Variants in SIM1 observed in about 807,000 individuals in gnomAD.
SIM1 encodes the protein SIM bHLH transcription factor 1.
SIM1 carries 18 observed loss-of-function variants against 78.2 expected under a neutral mutation model. The observed-to-expected ratio is 0.23, with a 90% CI of 0.16 to 0.34. SIM1 has a LOEUF of 0.34. Ranked by LOEUF, SIM1 falls within the 10% of genes least tolerant of loss-of-function variation. The pLI, the probability that SIM1 is intolerant of heterozygous loss-of-function variation, is 1.00. For synonymous variants in SIM1, 417 were observed against 385.2 expected, an observed-to-expected ratio of 1.08 and a Z score of -0.97; for missense variants, 939 against 975.1, an observed-to-expected ratio of 0.96 and a Z score of 0.49.
At chr6:100,423,034 A>G (rs1439937588) in intron 9 of SIM1, among the ~76,000 whole-genome samples, 1 of 152,216 alleles carries the variant, frequency 6.6e-6, no homozygotes, top group East Asian at 1.9e-4. Flanking sequence ...AGCAGTAAAA[A>G]TTTAGAAAGT....
intron 9 of SIM1, chr6:100,437,231 T>C (rs1057331453): frequency 6.6e-6 from 1 of 152,176 alleles, no homozygotes; most frequent in Non-Finnish European, 1.5e-5. Flanking sequence ...TCAAATACCT[T>C]GTAATGCATT....
In SIM1 at chr6:100,386,566, T is replaced by G. The variant is rs1770518727; in HGVS notation, c.*3795A>C. On this transcript the variant is annotated 3_prime_UTR_variant, in exon 12 of 12. Coordinates refer to ENST00000369208, the MANE Select transcript of SIM1 (RefSeq NM_005068.3). ...AATGGTCTTGTACTATAATTGATCC[T>G]CATCCCCCATAAGAAGGAGAAATAA... 6.6e-6 allele frequency: 1 copy of G among 152,064 alleles called. No individual in the cohort carries two copies. The allele number at this position is 152,064 out of a possible 1,614,324, so 9.4% of individuals were successfully genotyped here. A position where few individuals can be genotyped will look rare whatever the true frequency, so the allele number is the denominator to read the frequency against.
Position 100,412,607 on chromosome 6 carries a change from GAA to G in SIM1, c.1167+8181_1167+8182del, listed in dbSNP as rs1352327379. ...AGAAAGAAAGAAAGAAAGAAAGAAA[GAA>G]AGGAAAGAAAGAAGGAAAGAAAGAA... is the stretch of plus-strand genomic sequence containing the variant. On this transcript the variant is annotated intron_variant, in intron 10 of 11. Transcript: ENST00000369208. Among the ~76,000 whole-genome samples the G allele has an allele frequency of 2.8e-4, 26 of 92,934 alleles. 1 individual carries two copies. Among genetic ancestry groups the G allele is most frequent in the South Asian group, 1.5e-3 (4 of 2,710 alleles). 61.0% of individuals were successfully genotyped at this position (92,934 alleles called of 152,430 possible). A position where few individuals can be genotyped will look rare whatever the true frequency, so the allele number is the denominator to read the frequency against.
rs533349761 is a variant in SIM1 at position 100,445,151 on chromosome 6, T to A, written c.998+2117A>T. Reference sequence around the variant, plus strand: ...GTAACTTCCAGCCAGATGTGTGATATGCACATCAAACAAACTGCAACCTGT... The same window carrying A: ...GTAACTTCCAGCCAGATGTGTGATAAGCACATCAAACAAACTGCAACCTGT... On this transcript the variant is annotated intron_variant, in intron 9 of 11. Coordinates refer to ENST00000369208, the MANE Select transcript of SIM1 (RefSeq NM_005068.3). Among the ~76,000 whole-genome samples the A allele has an allele frequency of 3.9e-5, 6 of 152,320 alleles. No homozygotes were observed. The South Asian group carries it at 6.2e-4, about 16-fold the overall frequency.
chr6:100,456,312 A>G (rs241809), intron 2 of SIM1, among the ~76,000 whole-genome samples: 132,702 of 152,198 alleles, frequency 0.87, 58,259 homozygotes, highest in East Asian at 0.98. Flanking sequence ...GACGCGCTCT[A>G]GCACACCCAA....
At chr6:100,392,911 G>A (rs1055639911) in intron 11 of SIM1, among the ~76,000 whole-genome samples, 6 of 152,298 alleles carry the variant, frequency 3.9e-5, no homozygotes, top group Admixed American at 3.9e-4. Flanking sequence ...TTATCCCAAG[G>A]TGAAAATCCC....
chr6:100,417,391 A>G (rs565423565), intron 10 of SIM1, among the ~76,000 whole-genome samples: 1 of 152,336 alleles, frequency 6.6e-6, no homozygotes, highest in African/African-American at 2.4e-5. Flanking sequence ...ATAGTCTAGC[A>G]CTTTTTAATC....
chr6:100,393,742 A>T lies in SIM1; in HGVS notation c.1315T>A (p.Phe439Ile). The stretch of plus-strand genomic sequence containing the variant: ...TAGCAGAGAGAGCTGCGGTCCGAAA[A>T]CTGTCTGTAGGCGCACGATGCGTCG... Reference protein sequence around the residue: ...QHDASCAYRQFSDRSSLCYGF... With the variant: ...QHDASCAYRQISDRSSLCYGF... Residue 439 changes from phenylalanine to isoleucine, a missense_variant, in exon 11 of 12, where the codon TTT becomes ATT. Physicochemically the swap from Phe to Ile is conservative, Grantham distance 21. Around this residue, in one of 5 missense-constraint regions of SIM1, gnomAD observed 556 missense variants for 521.9 expected, o/e 1.07. Coordinates refer to ENST00000369208, the MANE Select transcript of SIM1 (RefSeq NM_005068.3). The T allele has an allele frequency of 1.2e-6, 2 of 1,614,146 alleles. No individual in the cohort carries two copies. The highest frequency in any genetic ancestry group is 3.3e-5 in the Admixed American group (2 of 60,018).
At chr6:100,399,379 C>A (rs1019158940) in intron 10 of SIM1, among the ~76,000 whole-genome samples, 3 of 151,996 alleles carry the variant, frequency 2.0e-5, no homozygotes, top group Admixed American at 6.5e-5. Context: ...CTACAACATT[C>A]TTGTAATGAC....
intron 8 of SIM1, among the ~76,000 whole-genome samples, 193 bp from the exon 9 acceptor site, chr6:100,447,608 T>G (rs1772390311): frequency 6.6e-6 from 1 of 152,184 alleles, no homozygotes; most frequent in Admixed American, 6.5e-5. Flanking sequence ...AGCCCTCCGG[T>G]CACCCTTCTA....
chr6:100,426,223 C>T (rs540071331), intron 9 of SIM1, among the ~76,000 whole-genome samples: 1 of 152,316 alleles, frequency 6.6e-6, no homozygotes, highest in African/African-American at 2.4e-5. Context: ...CTAGGAATTG[C>T]AGCTTGTCAA....
intron 10 of SIM1, chr6:100,396,095 G>C: frequency 3.0e-6 from 3 of 984,624 alleles, no homozygotes; most frequent in South Asian, 4.7e-5. Context: ...TCTTCTTCCA[G>C]TGAACCCAGA....
chr6:100,445,535 T>C (rs1388488423), intron 9 of SIM1, among the ~76,000 whole-genome samples: 2 of 152,178 alleles, frequency 1.3e-5, no homozygotes, highest in African/African-American at 2.4e-5. Context: ...AATGACAGAA[T>C]CAACAGAAGA....
chr6:100,448,586 G>C lies in SIM1; in HGVS notation c.636C>G (p.Ala212=). 1 of 1,614,078 alleles carries C rather than the reference G, an allele frequency of 6.2e-7. No homozygotes were observed. The highest frequency in any genetic ancestry group is 1.1e-5 in the South Asian group (1 of 91,082). ...DGCYQNVGLV[A]VGHSLPPSAV... is the part of the protein sequence containing the mutation. ...CGCTGGGAGGCAGCGAGTGGCCCAC[G>C]GCCACCAGGCCCACGTTTTGGTAGC... Residue 212 remains alanine (A), a synonymous_variant, in exon 7 of 12, where the codon GCC becomes GCG. Coordinates refer to ENST00000369208, the MANE Select transcript of SIM1 (RefSeq NM_005068.3).
At chr6:100,412,742 A>AGAAG (rs1491347352) in intron 10 of SIM1, among the ~76,000 whole-genome samples, 110 of 141,726 alleles carry the variant, frequency 7.8e-4, no homozygotes, top group African/African-American at 2.7e-3. Flanking sequence ...AAAGAAAGAA[A>AGAAG]GAAAGAAAGA....
At chr6:100,438,091 A>G (rs1506091) in intron 9 of SIM1, among the ~76,000 whole-genome samples, 23,731 of 152,194 alleles carry the variant, frequency 0.16, 2,327 homozygotes, top group Middle Eastern at 0.25. Flanking sequence ...AGCAAATGCA[A>G]CAAAAATGAA....
chr6:100,446,039 G>GAA (rs1411140971), intron 9 of SIM1, among the ~76,000 whole-genome samples: 3 of 148,550 alleles, frequency 2.0e-5, no homozygotes, highest in Non-Finnish European at 4.4e-5. Flanking sequence ...CGTTTACTAA[G>GAA]ATAAAAAAAT....
In SIM1 at chr6:100,389,389, A is replaced by T; in HGVS notation, c.*972T>A. Reference sequence around the variant, plus strand: ...ACACTTAACACTGCTGTCATGTGGCACTTCACTGGTTTTCCTTTTATTTTT... The same window carrying T: ...ACACTTAACACTGCTGTCATGTGGCTCTTCACTGGTTTTCCTTTTATTTTT... On this transcript the variant is annotated 3_prime_UTR_variant, in exon 12 of 12. Coordinates refer to ENST00000369208, the MANE Select transcript of SIM1 (RefSeq NM_005068.3). The T allele has an allele frequency of 7.8e-6, 3 of 382,406 alleles. No homozygotes were observed. The highest frequency in any genetic ancestry group is 1.4e-5 in the Non-Finnish European group (3 of 216,078). 23.7% of individuals were successfully genotyped at this position (382,406 alleles called of 1,614,324 possible).
rs1216397571 is a variant in SIM1, at chr6:100,385,403, A to AG, written c.*4957dup. The stretch of plus-strand genomic sequence containing the variant: ...GAAATATTTCCCTTCGGAAAAAAAA[A>AG]GAAAAAAGACTTACAGTACTTCCAA... On this transcript the variant is annotated 3_prime_UTR_variant, in exon 12 of 12. Coordinates refer to ENST00000369208, the MANE Select transcript of SIM1 (RefSeq NM_005068.3). The AG allele has an allele frequency of 1.3e-5, 2 of 152,050 alleles. No individual in the cohort carries two copies. The highest frequency in any genetic ancestry group is 4.8e-5 in the African/African-American group (2 of 41,424). 9.4% of individuals were successfully genotyped at this position (152,050 alleles called of 1,614,324 possible).
Sources: gnomAD v4.1 joint callset for allele counts (sites outside exome capture counted in the v4.1 genomes callset) on GRCh38, gnomAD v4.1.1 for gene constraint, gnomAD v4.1.1 regional missense constraint, MANE v1.5 for transcripts, NCBI Gene and HGNC (gene_info 2026-07-23, HGNC 2026-07-21) for gene names.